The following ATXN7L1 variants were observed in gnomAD, a reference collection of about 807,000 sequenced individuals.
The protein encoded by ATXN7L1 is ataxin 7 like 1, also known as ataxin-7-like protein 1.
ATXN7L1 carries 15 observed loss-of-function variants against 70.8 expected under a neutral mutation model. That is an observed-to-expected ratio of 0.21 (90% CI 0.14 to 0.33). The LOEUF (loss-of-function observed/expected upper bound fraction) is 0.33. ATXN7L1 is among the 10% of genes least tolerant of loss of function. The probability of loss-of-function intolerance (pLI) is 1.00; values close to 1 mark genes in which losing one functional copy is unlikely to be tolerated. For missense variants in ATXN7L1, 975 were observed against 1,097.1 expected (o/e 0.89, Z 1.57); for synonymous variants, 440 against 445.1 (o/e 0.99, Z 0.14).
chr7:105,607,516 C>G lies in ATXN7L1; in HGVS notation c.*336G>C, dbSNP rs893840938. The stretch of plus-strand genomic sequence containing the variant: ...TGGAACCAACATTCTGCAATGTCTG[C>G]TCTCATGGCTGGAGCAAAAGGATGG... On this transcript the variant is annotated 3_prime_UTR_variant, in exon 12 of 12. Transcript: ENST00000419735. The G allele has an allele frequency of 6.4e-6, 2 of 314,696 alleles. No individual in the cohort carries two copies. The highest frequency in any genetic ancestry group is 4.2e-5 in the African/African-American group (2 of 47,622). The allele number at this position is 314,696 out of a possible 1,614,324, so 19.5% of individuals were successfully genotyped here.
chr7:105,874,773 C>T (rs1490953278), intron 2 of ATXN7L1, among the ~76,000 whole-genome samples: 3 of 152,212 alleles, frequency 2.0e-5, no homozygotes, highest in Non-Finnish European at 4.4e-5. Flanking sequence ...CATCTTTCCA[C>T]GCAGGCTTCA....
At chr7:105,619,088 C>G (rs1288409430) in intron 9 of ATXN7L1, among the ~76,000 whole-genome samples, 1 of 138,104 alleles carries the variant, frequency 7.2e-6, no homozygotes, top group Non-Finnish European at 1.5e-5. Flanking sequence ...TTTCACAGGA[C>G]AGCAAACAAC....
chr7:105,649,373 C>T lies in ATXN7L1; in HGVS notation c.579-6252G>A, dbSNP rs890723292. The T allele has an allele frequency of 4.1e-6, 4 of 987,344 alleles. No homozygotes were observed. The African/African-American group carries it at 5.2e-5, about 13-fold the overall frequency. 61.2% of individuals were successfully genotyped at this position (987,344 alleles called of 1,614,324 possible). ...AAACCCAATGCCGAGAACACCCTCC[C>T]TCATCCCCCTTGCTACGTGGGGGCG... is the stretch of plus-strand genomic sequence containing the variant. On this transcript the variant is annotated intron_variant, in intron 4 of 11. Coordinates refer to ENST00000419735, the MANE Select transcript of ATXN7L1 (RefSeq NM_020725.2).
At chr7:105,733,950 ATC>A in intron 3 of ATXN7L1, among the ~76,000 whole-genome samples, 1 of 150,286 alleles carries the variant, frequency 6.7e-6, no homozygotes, top group South Asian at 2.1e-4. Flanking sequence ...CCATCCATCC[ATC>A]CATCCATCCA....
intron 3 of ATXN7L1, among the ~76,000 whole-genome samples, chr7:105,755,958 C>T (rs1377078990): frequency 6.6e-6 from 1 of 152,120 alleles, no homozygotes; most frequent in African/African-American, 2.4e-5. Flanking sequence ...TGTAGCCACC[C>T]ACCTCCCTCC....
chr7:105,706,562 C>A (rs957399201), intron 3 of ATXN7L1, among the ~76,000 whole-genome samples: 6 of 152,072 alleles, frequency 3.9e-5, no homozygotes, highest in Admixed American at 2.0e-4. Flanking sequence ...ACCACCACCA[C>A]CAAAAAAAAC....
chr7:105,842,144 T>A (rs941372778), intron 2 of ATXN7L1, among the ~76,000 whole-genome samples: 1 of 151,920 alleles, frequency 6.6e-6, no homozygotes, highest in South Asian at 2.1e-4. Context: ...GGCCTTTACA[T>A]GGCAAACAAT....
At chr7:105,806,480 T>C (rs1355546561) in intron 2 of ATXN7L1, among the ~76,000 whole-genome samples, 2 of 151,938 alleles carry the variant, frequency 1.3e-5, no homozygotes, top group East Asian at 3.9e-4. Context: ...TGAGGACATA[T>C]GGGGAGGAGA....
intron 2 of ATXN7L1, among the ~76,000 whole-genome samples, chr7:105,824,143 TG>T (rs1379522463): frequency 6.6e-6 from 1 of 152,108 alleles, no homozygotes; most frequent in East Asian, 1.9e-4. Flanking sequence ...AATTCATCTC[TG>T]AAAAAACAGA....
At chr7:105,628,866 T>C (rs1405924195) in intron 7 of ATXN7L1, among the ~76,000 whole-genome samples, 1 of 151,626 alleles carries the variant, frequency 6.6e-6, no homozygotes, top group Non-Finnish European at 1.5e-5. Flanking sequence ...GTATACAATG[T>C]GATTTGGTAT....
intron 2 of ATXN7L1, among the ~76,000 whole-genome samples, chr7:105,870,814 G>A (rs1019744400): frequency 6.6e-6 from 1 of 152,156 alleles, no homozygotes; most frequent in Non-Finnish European, 1.5e-5. Context: ...AGGTTTCTGG[G>A]AGTCCTCCTC....
intron 2 of ATXN7L1, among the ~76,000 whole-genome samples, chr7:105,799,672 A>C (rs1028571394): frequency 1.3e-5 from 2 of 152,140 alleles, no homozygotes; most frequent in African/African-American, 4.8e-5. Flanking sequence ...CAAGATTACA[A>C]TAATCGCCCA....
At chr7:105,756,058 A>C (rs1044632195) in intron 3 of ATXN7L1, among the ~76,000 whole-genome samples, 1 of 152,094 alleles carries the variant, frequency 6.6e-6, no homozygotes, top group South Asian at 2.1e-4. Context: ...CAGAGGCTGC[A>C]TTTCAGTCCT....
chr7:105,748,627 G>C (rs997344846), intron 3 of ATXN7L1, among the ~76,000 whole-genome samples: 2 of 152,200 alleles, frequency 1.3e-5, no homozygotes, highest in African/African-American at 4.8e-5. Flanking sequence ...GCCTGGGTAT[G>C]ACTGAGCTAG....
chr7:105,620,739 A>G (rs1794795733), intron 8 of ATXN7L1, among the ~76,000 whole-genome samples: 1 of 152,040 alleles, frequency 6.6e-6, no homozygotes, highest in African/African-American at 2.4e-5. Flanking sequence ...TACTAAAAAT[A>G]CAAAAATTAG....
chr7:105,655,418 C>T lies in ATXN7L1; in HGVS notation c.578+9648G>A, dbSNP rs535393907. On this transcript the variant is annotated intron_variant, in intron 4 of 11. Transcript: ENST00000419735. ...AGCCATCAAAGAGTTGTGGGCAGAA[C>T]GGGCTCACATCACTCTGGGGGGGTG... Among the ~76,000 whole-genome samples the T allele has an allele frequency of 7.6e-4, 115 of 152,252 alleles. 1 individual carries two copies. Among genetic ancestry groups the T allele is most frequent in the Non-Finnish European group, 1.2e-3 (83 of 68,018 alleles).
chr7:105,855,456 A>G (rs1368327643), intron 2 of ATXN7L1, among the ~76,000 whole-genome samples: 4 of 152,250 alleles, frequency 2.6e-5, no homozygotes, highest in African/African-American at 4.8e-5. Flanking sequence ...CCTACGTAAC[A>G]GTGTGCTGAT....
At chr7:105,637,401 A>T (rs1304337691) in intron 7 of ATXN7L1, among the ~76,000 whole-genome samples, 2 of 152,224 alleles carry the variant, frequency 1.3e-5, no homozygotes, top group East Asian at 3.8e-4. Context: ...AAAAAACATC[A>T]GATAATACCG....
intron 3 of ATXN7L1, chr7:105,761,242 C>A: frequency 6.6e-7 from 1 of 1,505,570 alleles, no homozygotes; most frequent in Non-Finnish European, 8.8e-7. Context: ...AGTGTGCTCA[C>A]GAATTTGCAG....
Sources: allele counts gnomAD v4.1 joint callset (sites outside exome capture counted in the v4.1 genomes callset), GRCh38; gene constraint gnomAD v4.1.1; transcripts MANE v1.5; gene names NCBI Gene and HGNC (gene_info 2026-07-23, HGNC 2026-07-21).